Variants in AP2A2 observed in about 807,000 individuals in gnomAD.
The protein encoded by AP2A2 is adaptor related protein complex 2 subunit alpha 2, also known as AP-2 complex subunit alpha-2.
A neutral mutation model predicts 104.2 loss-of-function variants in AP2A2; 32 were observed. The observed-to-expected ratio is 0.31, with a 90% CI of 0.23 to 0.41. The LOEUF is 0.41. Among genes scored for constraint, AP2A2 ranks in the 10% least tolerant of loss-of-function variants. The pLI is 1.00. For synonymous variants in AP2A2, 539 were observed against 533.3 expected, an observed-to-expected ratio of 1.01 and a Z score of -0.15; for missense variants, 912 against 1,261.0, an observed-to-expected ratio of 0.72 and a Z score of 4.19.
chr11:933,628 C>T (rs769970801), intron 1 of AP2A2: 4 of 455,986 alleles, frequency 8.8e-6, no homozygotes, highest in Admixed American at 2.4e-5. Context: ...TTTTAAATAG[C>T]GCCCTGGAGA....
intron 1 of AP2A2, among the ~76,000 whole-genome samples, chr11:954,298 T>C (rs1373931160): frequency 6.6e-6 from 1 of 152,220 alleles, no homozygotes; most frequent in Non-Finnish European, 1.5e-5. Flanking sequence ...TTCACTCTTG[T>C]CATCACCTTC....
intron 6 of AP2A2, among the ~76,000 whole-genome samples, chr11:982,818 A>G (rs2133697182): frequency 6.7e-6 from 1 of 148,924 alleles, no homozygotes; most frequent in East Asian, 2.0e-4. Context: ...CGCCTGGCTA[A>G]TTTTGTATTT....
intron 1 of AP2A2, among the ~76,000 whole-genome samples, chr11:957,293 C>T (rs1854268852): frequency 6.6e-6 from 1 of 152,244 alleles, no homozygotes; most frequent in African/African-American, 2.4e-5. Context: ...CAAACCCTGT[C>T]CTCCTGGGCC....
In AP2A2 at chr11:992,694, C is replaced by T. The variant is rs149573092; in HGVS notation, c.1452+9C>T. On this transcript the variant is annotated intron_variant, in intron 11 of 21. Coordinates refer to ENST00000448903, the MANE Select transcript of AP2A2 (RefSeq NM_012305.4). This position sits in a 1 kb window ranked among gnomAD's most constrained non-coding sequence, Gnocchi z 6.4. ...CCAAGACTGTGTTCGAGGTATGGCC[C>T]GCAGGATGGCAGGAAGGATGGGGTG... is the stretch of plus-strand genomic sequence containing the variant. 263 of 1,613,598 alleles carry T rather than the reference C, an allele frequency of 1.6e-4. No homozygotes were observed. In the East Asian group the frequency reaches 1.6e-3, roughly 10 times the overall value.
intron 1 of AP2A2, chr11:940,632 T>TGTTTCCTTTGGC: frequency 5.7e-6 from 2 of 352,484 alleles, no homozygotes; most frequent in Non-Finnish European, 1.1e-5. Flanking sequence ...TGTGTAAAGG[T>TGTTTCCTTTGGC]GTTTCCTTTG....
chr11:979,503 C>T (rs968228373), intron 5 of AP2A2, among the ~76,000 whole-genome samples: 1 of 152,084 alleles, frequency 6.6e-6, no homozygotes, highest in Non-Finnish European at 1.5e-5. Flanking sequence ...TAGGTGCACC[C>T]CAGCCTGGCT....
At chr11:998,852 C>T (rs149221198) in intron 14 of AP2A2, among the ~76,000 whole-genome samples, 1,554 of 152,296 alleles carry the variant, frequency 0.01, 77 homozygotes, top group Admixed American at 0.084. Context: ...TGCCACCACA[C>T]CCAGCTAATT....
intron 1 of AP2A2, among the ~76,000 whole-genome samples, chr11:950,517 C>G (rs546113729): frequency 6.6e-6 from 1 of 152,020 alleles, no homozygotes; most frequent in East Asian, 1.9e-4. Context: ...GCCGTGTTGG[C>G]CAAACGCCAT....
intron 1 of AP2A2, among the ~76,000 whole-genome samples, chr11:937,795 C>CA (rs1267619442): frequency 6.6e-6 from 1 of 152,188 alleles, no homozygotes; most frequent in African/African-American, 2.4e-5. Flanking sequence ...ATTGTAAAGT[C>CA]AAAAAATCGT....
intron 2 of AP2A2, among the ~76,000 whole-genome samples, chr11:964,559 C>T (rs956122731): frequency 6.6e-6 from 1 of 152,140 alleles, no homozygotes; most frequent in Non-Finnish European, 1.5e-5. Flanking sequence ...TGGTAGGCAG[C>T]CTGCATGTAA....
At chr11:941,308 C>G (rs1853635986) in intron 1 of AP2A2, among the ~76,000 whole-genome samples, 1 of 152,094 alleles carries the variant, frequency 6.6e-6, no homozygotes, top group Non-Finnish European at 1.5e-5. Flanking sequence ...TGGCAATGTC[C>G]AGGATTGTGA....
chr11:986,967 C>G lies in AP2A2; in HGVS notation c.1131+14C>G, dbSNP rs1354125759. 5.8e-6 allele frequency: 9 copies of G among 1,564,240 alleles called. No homozygotes were observed. The highest frequency in any genetic ancestry group is 1.9e-5 in the Admixed American group (1 of 52,594). The stretch of plus-strand genomic sequence containing the variant: ...AACGCCCTGAAGGCGAGTGCCCTGT[C>G]CTTGGGTTCTGCTCACTCCCTGAGC... On this transcript the variant is annotated intron_variant, in intron 9 of 21. Transcript: ENST00000448903.
At chr11:990,368 G>T (rs796277688) in intron 10 of AP2A2, among the ~76,000 whole-genome samples, 1 of 152,242 alleles carries the variant, frequency 6.6e-6, no homozygotes, top group Non-Finnish European at 1.5e-5. Flanking sequence ...GGCTGGGGCA[G>T]TGTGGCCTGG....
intron 1 of AP2A2, chr11:946,977 T>G (rs1853862429): frequency 6.6e-6 from 1 of 151,450 alleles, no homozygotes. Flanking sequence ...AGTGCACTTT[T>G]GTAACTTTTA....
intron 2 of AP2A2, among the ~76,000 whole-genome samples, chr11:966,818 G>A (rs1032532078): frequency 1.3e-5 from 2 of 152,156 alleles, no homozygotes; most frequent in Non-Finnish European, 2.9e-5. Context: ...AAGGCGTGGA[G>A]GCTCTGGTTC....
intron 14 of AP2A2, chr11:995,326 T>C (rs1855814590): frequency 2.2e-6 from 1 of 455,916 alleles, no homozygotes; most frequent in Admixed American, 2.3e-5. Context: ...ATGTGTCCTG[T>C]GGTATTTGTC....
Position 988,677 on chromosome 11 carries a change from C to T in AP2A2, c.1257C>T (p.Ile419=). ...LSYLETADYS[I]REEIVLKVAI... ...ATCTGGAGACAGCTGACTACTCCAT[C>T]CGAGAAGAGATTGTGAGTTCTGGTG... The change falls in exon 10 of 22, where the codon ATC becomes ATT. Residue 419 remains isoleucine, a synonymous_variant. Coordinates refer to ENST00000448903, the MANE Select transcript of AP2A2 (RefSeq NM_012305.4). 1.2e-6 allele frequency: 2 copies of T among 1,613,646 alleles called. No individual in the cohort carries two copies. Among genetic ancestry groups the T allele is most frequent in the Non-Finnish European group, 1.7e-6 (2 of 1,179,888 alleles).
intron 1 of AP2A2, among the ~76,000 whole-genome samples, chr11:927,669 T>C (rs956270120): frequency 2.0e-4 from 30 of 151,852 alleles, no homozygotes; most frequent in Admixed American, 1.3e-3. Flanking sequence ...ATACGAAAAT[T>C]AGCTGGGCGT....
rs1423610580 is a variant in AP2A2 at position 999,026 on chromosome 11, C to T, written c.1957-1406C>T. Among the ~76,000 whole-genome samples, 5 of 152,074 alleles carry T rather than the reference C, an allele frequency of 3.3e-5. No homozygotes were observed. In the South Asian group the frequency reaches 8.3e-4, roughly 25 times the overall value. On this transcript the variant is annotated intron_variant, in intron 14 of 21. Coordinates refer to ENST00000448903, the MANE Select transcript of AP2A2 (RefSeq NM_012305.4). ...TTTTATAGGGAGCATCTGAGTCCCTCTGGTGCACAGGCTGCTGTGGGGCAG... is the reference window on the plus strand; with the variant it reads ...TTTTATAGGGAGCATCTGAGTCCCTTTGGTGCACAGGCTGCTGTGGGGCAG...
Sources: gnomAD v4.1 joint callset for allele counts (sites outside exome capture counted in the v4.1 genomes callset) on GRCh38, gnomAD v4.1.1 for gene constraint, Gnocchi (gnomAD v3.1) non-coding constraint, MANE v1.5 for transcripts, NCBI Gene and HGNC (gene_info 2026-07-23, HGNC 2026-07-21) for gene names.